Variants in GSG1L observed in about 807,000 individuals in gnomAD.
The protein encoded by GSG1L is germ cell-specific gene 1-like protein.
In GSG1L, 24 loss-of-function variants were observed where a neutral mutation model predicts 42.1. That is an observed-to-expected ratio of 0.57 (90% CI 0.41 to 0.80). The LOEUF (loss-of-function observed/expected upper bound fraction) is 0.80. Ranked by LOEUF, GSG1L falls within the 30% of genes least tolerant of loss-of-function variation. The probability of loss-of-function intolerance (pLI) is 0.00; values close to 1 mark genes in which losing one functional copy is unlikely to be tolerated. For missense variants in GSG1L, 445 were observed against 472.2 expected, an observed-to-expected ratio of 0.94 and a Z score of 0.53; for synonymous variants, 215 against 203.5, an observed-to-expected ratio of 1.06 and a Z score of -0.48.
chr16:27,960,371 C>T (rs1031921024), intron 2 of GSG1L, among the ~76,000 whole-genome samples: 1 of 152,132 alleles, frequency 6.6e-6, no homozygotes, highest in Non-Finnish European at 1.5e-5. Context: ...AAGTTCTCAG[C>T]ATAGCACCTG....
At chr16:27,812,717 A>G (rs182169157) in intron 5 of GSG1L, among the ~76,000 whole-genome samples, 1 of 152,272 alleles carries the variant, frequency 6.6e-6, no homozygotes, top group East Asian at 1.9e-4. Context: ...GAGCTGCATC[A>G]TGAAGGCCAT....
intron 5 of GSG1L, among the ~76,000 whole-genome samples, chr16:27,823,575 TG>T (rs1157015382): frequency 6.6e-6 from 1 of 151,998 alleles, no homozygotes; most frequent in Non-Finnish European, 1.5e-5. Context: ...TCGGATGAAA[TG>T]GGCTCCAGAA....
chr16:27,820,151 A>G (rs1410837624), intron 5 of GSG1L, among the ~76,000 whole-genome samples: 1 of 152,168 alleles, frequency 6.6e-6, no homozygotes, highest in Non-Finnish European at 1.5e-5. Flanking sequence ...AGTCTTGGAC[A>G]TATTGATCTG....
At chr16:27,841,551 G>A (rs933662) in intron 4 of GSG1L, among the ~76,000 whole-genome samples, 55,463 of 151,972 alleles carry the variant, frequency 0.36, 10,641 homozygotes, top group East Asian at 0.45. Context: ...GGGAGCAGGG[G>A]AGGCTCTCGG....
At chr16:27,871,090 A>C in intron 3 of GSG1L, among the ~76,000 whole-genome samples, 1 of 151,980 alleles carries the variant, frequency 6.6e-6, no homozygotes, top group Admixed American at 6.5e-5. Flanking sequence ...CCCAACCCCA[A>C]ACCAGCAGTC....
chr16:27,885,788 G>T (rs1434136452), intron 2 of GSG1L, among the ~76,000 whole-genome samples: 1 of 152,232 alleles, frequency 6.6e-6, no homozygotes, highest in Non-Finnish European at 1.5e-5. Flanking sequence ...GGTTCCAGCT[G>T]TTCCTGAAGA....
At chr16:27,876,489 TG>T (rs1435928347) in intron 3 of GSG1L, among the ~76,000 whole-genome samples, 3 of 152,208 alleles carry the variant, frequency 2.0e-5, no homozygotes, top group Non-Finnish European at 4.4e-5. Context: ...AGTGAGCGCA[TG>T]GCTCACATTC....
chr16:27,846,676 C>G (rs12447383), intron 3 of GSG1L, among the ~76,000 whole-genome samples: 16 of 152,246 alleles, frequency 1.1e-4, no homozygotes, highest in South Asian at 8.3e-4. Flanking sequence ...TGACCCTGGC[C>G]GGGCACGGTG....
chr16:28,062,912 G>T (rs936258922), intron 1 of GSG1L, among the ~76,000 whole-genome samples, 164 bp downstream of exon 1: 3 of 151,922 alleles, frequency 2.0e-5, no homozygotes, highest in African/African-American at 7.2e-5. Flanking sequence ...GCCCCGGAAC[G>T]GCGCGCGCCC....
intron 4 of GSG1L, among the ~76,000 whole-genome samples, chr16:27,844,090 A>G (rs2083417029): frequency 6.6e-6 from 1 of 152,176 alleles, no homozygotes; most frequent in African/African-American, 2.4e-5. Flanking sequence ...CGTGTCCTGA[A>G]GTCCACACCA....
At chr16:28,058,105 A>G (rs1363591092) in intron 1 of GSG1L, among the ~76,000 whole-genome samples, 1 of 152,182 alleles carries the variant, frequency 6.6e-6, no homozygotes, top group Non-Finnish European at 1.5e-5. Flanking sequence ...GGTTGGAGGA[A>G]CAAAGGGAGC....
intron 1 of GSG1L, among the ~76,000 whole-genome samples, chr16:28,042,435 C>CAAA (rs5816459): frequency 8.0e-6 from 1 of 125,244 alleles, no homozygotes. Context: ...AACTCCATCT[C>CAAA]AAAAAAAAAA....
At chr16:27,797,099 A>G (rs1014494641) in intron 6 of GSG1L, among the ~76,000 whole-genome samples, 1 of 152,216 alleles carries the variant, frequency 6.6e-6, no homozygotes, top group African/African-American at 2.4e-5. Flanking sequence ...CAGGTGAGGA[A>G]ACCGAGGTCC....
intron 6 of GSG1L, among the ~76,000 whole-genome samples, chr16:27,791,792 G>A (rs555020254): frequency 1.1e-4 from 17 of 151,728 alleles, no homozygotes; most frequent in Non-Finnish European, 1.8e-4. Context: ...CCCAGAACCC[G>A]CTCATGCACC....
chr16:27,876,138 A>G (rs1384461460), intron 3 of GSG1L, among the ~76,000 whole-genome samples: 1 of 152,196 alleles, frequency 6.6e-6, no homozygotes, highest in East Asian at 1.9e-4. Flanking sequence ...TTTTAAACAC[A>G]AAAATACTTG....
intron 1 of GSG1L, among the ~76,000 whole-genome samples, chr16:27,987,346 G>C (rs2085397475): frequency 6.6e-6 from 1 of 152,140 alleles, no homozygotes; most frequent in South Asian, 2.1e-4. Context: ...GGCTATCTCT[G>C]TTGGATGTTT....
At chr16:27,923,574 G>A (rs569183528) in intron 2 of GSG1L, among the ~76,000 whole-genome samples, 24 of 152,050 alleles carry the variant, frequency 1.6e-4, no homozygotes, top group South Asian at 1.5e-3. Flanking sequence ...GCGAAACCCC[G>A]TCTCTACAAA....
intron 1 of GSG1L, among the ~76,000 whole-genome samples, chr16:28,042,414 C>T (rs1041046947): frequency 5.0e-5 from 7 of 140,594 alleles, no homozygotes; most frequent in African/African-American, 1.6e-4. Flanking sequence ...CCAGCCTGGG[C>T]AACAGAGCGA....
At chr16:27,989,833 TTAATA>T (rs2085435980) in intron 1 of GSG1L, among the ~76,000 whole-genome samples, 1 of 152,198 alleles carries the variant, frequency 6.6e-6, no homozygotes, top group African/African-American at 2.4e-5. Flanking sequence ...AAATGTGTTA[TTAATA>T]TGTGTCCCAA....
Sources: gnomAD v4.1 joint callset for allele counts (sites outside exome capture counted in the v4.1 genomes callset) on GRCh38, gnomAD v4.1.1 for gene constraint, MANE v1.5 for transcripts, NCBI Gene and HGNC (gene_info 2026-07-23, HGNC 2026-07-21) for gene names.